KCND2: variants seen among roughly 807,000 people sequenced by gnomAD.
The protein encoded by KCND2 is A-type voltage-gated potassium channel KCND2.
A neutral mutation model predicts 54.4 loss-of-function variants in KCND2; 16 were observed. The ratio of observed to expected loss-of-function variants is 0.29; its 90% CI spans 0.20 to 0.45. The LOEUF (loss-of-function observed/expected upper bound fraction) is 0.45. Among genes scored for constraint, KCND2 ranks in the 20% least tolerant of loss-of-function variants. KCND2 has a pLI of 1.00. For synonymous variants in KCND2, 317 were observed against 310.7 expected (o/e 1.02, Z -0.21); for missense variants, 486 against 824.2 (o/e 0.59, Z 5.02).
chr7:120,629,732 A>G (rs997659214), intron 1 of KCND2, among the ~76,000 whole-genome samples: 1 of 152,190 alleles, frequency 6.6e-6, no homozygotes, highest in African/African-American at 2.4e-5. Flanking sequence ...TGGAATGGTT[A>G]GACTTGACCA....
intron 1 of KCND2, among the ~76,000 whole-genome samples, chr7:120,602,941 C>T (rs559593351): frequency 1.3e-5 from 2 of 152,190 alleles, no homozygotes; most frequent in Non-Finnish European, 2.9e-5. Flanking sequence ...AGGAACTCAA[C>T]ACAAATTGTG....
intron 1 of KCND2, among the ~76,000 whole-genome samples, chr7:120,359,170 C>T (rs927801759): frequency 5.9e-5 from 9 of 152,146 alleles, no homozygotes; most frequent in Non-Finnish European, 4.4e-5. Flanking sequence ...AGATTGAGCT[C>T]TGTATGAAGC....
rs879724867 is a variant in KCND2, at chr7:120,410,253, G to A, written c.1115+134506G>A. ...TTGTTTTCCATCAGTCTATATGCCT[G>A]TCTTTATGACAACATCACACTATTT... On this transcript the variant is annotated intron_variant, in intron 1 of 5. Coordinates refer to ENST00000331113, the MANE Select transcript of KCND2 (RefSeq NM_012281.3). Among the ~76,000 whole-genome samples, 77 of 151,948 alleles carry A rather than the reference G, an allele frequency of 5.1e-4. 1 individual carries two copies. Among genetic ancestry groups the A allele is most frequent in the African/African-American group, 1.7e-3 (72 of 41,510 alleles).
At chr7:120,363,758 C>A (rs1234233925) in intron 1 of KCND2, among the ~76,000 whole-genome samples, 3 of 152,068 alleles carry the variant, frequency 2.0e-5, no homozygotes, top group Non-Finnish European at 4.4e-5. Flanking sequence ...TTACAGTAGT[C>A]AACATTAGCC....
intron 1 of KCND2, among the ~76,000 whole-genome samples, chr7:120,348,486 A>G (rs759774924): frequency 2.0e-5 from 3 of 152,204 alleles, no homozygotes; most frequent in Non-Finnish European, 2.9e-5. Context: ...AAGATGCTAT[A>G]TATCTTGACA....
At chr7:120,632,098 C>T (rs1216035616) in intron 1 of KCND2, among the ~76,000 whole-genome samples, 2 of 152,062 alleles carry the variant, frequency 1.3e-5, no homozygotes, top group South Asian at 2.1e-4. Flanking sequence ...CTCTCTGAGA[C>T]ATAGCATGGT....
rs1319990458 is a variant in KCND2, at chr7:120,335,456, T to TTTATTTAC, written c.1115+59712_1115+59713insTTTACTTA. Reference sequence around the variant, plus strand: ...CTTGCTTTATTTATTTATTTATTTATTTACTTACTTACTTATTTATTTATT... The same window carrying TTTATTTAC: ...CTTGCTTTATTTATTTATTTATTTATTTATTTACTTACTTACTTACTTATTTATTTATT... On this transcript the variant is annotated intron_variant, in intron 1 of 5. Transcript: ENST00000331113. 4.8e-3 allele frequency among the ~76,000 whole-genome samples: 667 copies of TTTATTTAC among 138,800 alleles called. 4 individuals are homozygous for TTTATTTAC. The highest frequency in any genetic ancestry group is 0.016 in the African/African-American group (617 of 37,504). The allele number at this position is 138,800 out of a possible 152,430, so 91.1% of individuals were successfully genotyped here. A position where few individuals can be genotyped will look rare whatever the true frequency, so the allele number is the denominator to read the frequency against.
chr7:120,372,144 A>G (rs1800773956), intron 1 of KCND2, among the ~76,000 whole-genome samples: 1 of 151,934 alleles, frequency 6.6e-6, no homozygotes, highest in Non-Finnish European at 1.5e-5. Context: ...GATATAAGGT[A>G]TAAGATCTGT....
At chr7:120,578,295 AAATAAT>A (rs565992117) in intron 1 of KCND2, among the ~76,000 whole-genome samples, 157 of 152,134 alleles carry the variant, frequency 1.0e-3, no homozygotes, top group Admixed American at 1.6e-3. Flanking sequence ...TTCAAGAAAA[AAATAAT>A]AATAATATAT....
intron 1 of KCND2, among the ~76,000 whole-genome samples, chr7:120,694,125 A>G (rs1792305428): frequency 6.6e-6 from 1 of 152,182 alleles, no homozygotes; most frequent in Non-Finnish European, 1.5e-5. Context: ...CTGAAGCTTG[A>G]CAAGCCATGT....
intron 1 of KCND2, among the ~76,000 whole-genome samples, chr7:120,690,984 C>T (rs369898158): frequency 6.6e-6 from 1 of 152,078 alleles, no homozygotes; most frequent in Admixed American, 6.6e-5. Context: ...AAAGTCTACA[C>T]CAAGAAGATG....
intron 1 of KCND2, among the ~76,000 whole-genome samples, chr7:120,591,597 T>C (rs1792672344): frequency 6.6e-6 from 1 of 151,172 alleles, no homozygotes; most frequent in Admixed American, 6.6e-5. Flanking sequence ...CCTTGCTTCA[T>C]ACAGAATCAT....
intron 1 of KCND2, among the ~76,000 whole-genome samples, chr7:120,658,742 T>A (rs1008478510): frequency 1.3e-5 from 2 of 152,186 alleles, no homozygotes; most frequent in African/African-American, 2.4e-5. Context: ...TGGTATTCAT[T>A]CTCTTAATCA....
chr7:120,438,201 A>T (rs893401888), intron 1 of KCND2, among the ~76,000 whole-genome samples: 1 of 152,218 alleles, frequency 6.6e-6, no homozygotes, highest in Non-Finnish European at 1.5e-5. Context: ...GCAGCGCATG[A>T]TCAAGTGCTT....
At chr7:120,325,050 C>T (rs1409244802) in intron 1 of KCND2, among the ~76,000 whole-genome samples, 1 of 143,388 alleles carries the variant, frequency 7.0e-6, no homozygotes, top group East Asian at 2.1e-4. Context: ...GTATTTTATT[C>T]TCTTTGAAGC....
At chr7:120,327,011 A>G (rs2116340873) in intron 1 of KCND2, among the ~76,000 whole-genome samples, 1 of 151,754 alleles carries the variant, frequency 6.6e-6, no homozygotes, top group African/African-American at 2.4e-5. Flanking sequence ...AGTGATGAGG[A>G]AAAATGCCAT....
chr7:120,527,407 C>T (rs1360063338), intron 1 of KCND2, among the ~76,000 whole-genome samples: 1 of 152,082 alleles, frequency 6.6e-6, no homozygotes, highest in Non-Finnish European at 1.5e-5. Context: ...TCCTGACTTT[C>T]GGTACACTAC....
At chr7:120,320,916 A>G (rs1382742208) in intron 1 of KCND2, among the ~76,000 whole-genome samples, 2 of 152,266 alleles carry the variant, frequency 1.3e-5, no homozygotes, top group East Asian at 3.9e-4. Flanking sequence ...GTCTGTGGAA[A>G]TGTAAGCTTC....
intron 1 of KCND2, among the ~76,000 whole-genome samples, chr7:120,289,057 CACACACACACACACACACACAGAG>C (rs1035650890): frequency 1.1e-4 from 4 of 36,760 alleles, no homozygotes; most frequent in African/African-American, 1.6e-4. Flanking sequence ...CACACACACA[CACACACACACACACACACACAGAG>C]AGAGAGAGAG....
Sources: gnomAD v4.1 joint callset for allele counts (sites outside exome capture counted in the v4.1 genomes callset) on GRCh38, gnomAD v4.1.1 for gene constraint, MANE v1.5 for transcripts, NCBI Gene and HGNC (gene_info 2026-07-23, HGNC 2026-07-21) for gene names.